EXOC6B: variants seen among roughly 807,000 people sequenced by gnomAD.
The protein encoded by EXOC6B is SEC15 homolog B.
EXOC6B carries 54 observed loss-of-function variants against 113.5 expected under a neutral mutation model. The ratio of observed to expected loss-of-function variants is 0.48; its 90% CI spans 0.38 to 0.60. The LOEUF (loss-of-function observed/expected upper bound fraction) is 0.60, where lower values mean the gene tolerates loss of function less well. EXOC6B is among the 20% of genes least tolerant of loss of function. The probability of loss-of-function intolerance (pLI) is 0.00; values close to 1 mark genes in which losing one functional copy is unlikely to be tolerated. For missense variants in EXOC6B, 797 were observed against 977.5 expected, an observed-to-expected ratio of 0.82 and a Z score of 2.46; for synonymous variants, 357 against 339.0, an observed-to-expected ratio of 1.05 and a Z score of -0.58.
rs376801684 is a variant in EXOC6B, at chr2:72,667,756, C to G, written c.669+50347G>C. ...GACTAAAGAATTAAATGTAAGACCT[C>G]AAACTACAAAATTCTAGAAGAAATT... is the stretch of plus-strand genomic sequence containing the variant. On this transcript the variant is annotated intron_variant, in intron 6 of 21. Transcript: ENST00000272427. 1.5e-4 allele frequency among the ~76,000 whole-genome samples: 23 copies of G among 152,252 alleles called. 2 individuals carry two copies. The highest frequency in any genetic ancestry group is 4.6e-4 in the African/African-American group (19 of 41,556).
chr2:72,268,081 TA>T (rs1427017844), intron 20 of EXOC6B, among the ~76,000 whole-genome samples: 1 of 152,206 alleles, frequency 6.6e-6, no homozygotes, highest in Non-Finnish European at 1.5e-5. Flanking sequence ...TGGAAGACTA[TA>T]CAACACATAA....
intron 20 of EXOC6B, among the ~76,000 whole-genome samples, chr2:72,299,482 G>A (rs1023464060): frequency 6.6e-6 from 1 of 151,786 alleles, no homozygotes; most frequent in Non-Finnish European, 1.5e-5. Flanking sequence ...CCTTTAGCTC[G>A]GAGGAGTTTG....
At chr2:72,220,656 C>T (rs984149029) in intron 20 of EXOC6B, among the ~76,000 whole-genome samples, 4 of 151,994 alleles carry the variant, frequency 2.6e-5, no homozygotes, top group Admixed American at 2.0e-4. Context: ...TAGGGAAATT[C>T]GTGACAACAT....
chr2:72,405,140 G>C (rs1034057865), intron 18 of EXOC6B, among the ~76,000 whole-genome samples: 1 of 151,946 alleles, frequency 6.6e-6, no homozygotes, highest in Non-Finnish European at 1.5e-5. Flanking sequence ...AATGAAGTGA[G>C]AAGTTTAGAG....
At chr2:72,637,418 T>G (rs555297718) in intron 6 of EXOC6B, among the ~76,000 whole-genome samples, 1 of 152,200 alleles carries the variant, frequency 6.6e-6, no homozygotes, top group African/African-American at 2.4e-5. Context: ...TATGAGGAAC[T>G]TAAACAAATT....
intron 6 of EXOC6B, among the ~76,000 whole-genome samples, chr2:72,662,339 T>G (rs1170852855): frequency 1.3e-5 from 2 of 152,186 alleles, no homozygotes; most frequent in Non-Finnish European, 2.9e-5. Context: ...TTGAACTTCA[T>G]GTTTTGTTCT....
chr2:72,258,606 G>T (rs546542460), intron 20 of EXOC6B, among the ~76,000 whole-genome samples: 2 of 151,982 alleles, frequency 1.3e-5, no homozygotes, highest in South Asian at 4.2e-4. Context: ...CTGGGCTCAA[G>T]TGATCCTCCT....
At chr2:72,200,776 G>T (rs41390) in intron 20 of EXOC6B, among the ~76,000 whole-genome samples, 1 of 151,930 alleles carries the variant, frequency 6.6e-6, no homozygotes, top group African/African-American at 2.4e-5. Context: ...ATAGTACACA[G>T]GTCAGGTGCC....
chr2:72,653,598 A>AACC (rs140579240), intron 6 of EXOC6B, among the ~76,000 whole-genome samples: 2 of 133,242 alleles, frequency 1.5e-5, no homozygotes, highest in African/African-American at 3.3e-5. Flanking sequence ...ATTGCCAGCA[A>AACC]CCCCCCCCCA....
intron 6 of EXOC6B, among the ~76,000 whole-genome samples, chr2:72,685,024 T>C (rs1437691128): frequency 6.6e-6 from 1 of 152,214 alleles, no homozygotes. Flanking sequence ...TAACTAATAT[T>C]ATGCATCCTG....
chr2:72,254,197 A>G (rs1400067598), intron 20 of EXOC6B, among the ~76,000 whole-genome samples: 1 of 152,126 alleles, frequency 6.6e-6, no homozygotes, highest in African/African-American at 2.4e-5. Context: ...AATCTCCAGT[A>G]CTTAGGAATG....
intron 20 of EXOC6B, among the ~76,000 whole-genome samples, chr2:72,289,690 G>A (rs1685666546): frequency 6.6e-6 from 1 of 152,176 alleles, no homozygotes; most frequent in Non-Finnish European, 1.5e-5. Context: ...GTGTCTCTGT[G>A]AGGGTATTTC....
intron 6 of EXOC6B, among the ~76,000 whole-genome samples, chr2:72,717,346 T>C (rs1486482783): frequency 2.0e-5 from 3 of 152,174 alleles, no homozygotes; most frequent in African/African-American, 4.8e-5. Context: ...AAGAACACTA[T>C]TGTTTACAGA....
intron 8 of EXOC6B, among the ~76,000 whole-genome samples, chr2:72,539,392 C>T (rs1350559528): frequency 2.0e-5 from 3 of 152,202 alleles, no homozygotes; most frequent in Non-Finnish European, 4.4e-5. Flanking sequence ...CAAAGTACAA[C>T]TTGATCACCA....
At chr2:72,521,166 C>T (rs573591349) in intron 8 of EXOC6B, among the ~76,000 whole-genome samples, 4 of 152,102 alleles carry the variant, frequency 2.6e-5, no homozygotes, top group Non-Finnish European at 4.4e-5. Context: ...TTGCACCCTC[C>T]CATCTCTTCT....
chr2:72,518,052 T>A (rs1270306824), intron 8 of EXOC6B, among the ~76,000 whole-genome samples: 2 of 152,150 alleles, frequency 1.3e-5, no homozygotes, highest in East Asian at 1.9e-4. Flanking sequence ...GTCAACTCAA[T>A]ACTTAAAGGT....
At chr2:72,730,587 C>G (rs1024404244) in intron 5 of EXOC6B, among the ~76,000 whole-genome samples, 1 of 36,584 alleles carries the variant, frequency 2.7e-5, no homozygotes. Context: ...GAGACACACA[C>G]ACACACACAC....
In EXOC6B at chr2:72,493,420, A is replaced by C. The variant is rs150741231; in HGVS notation, c.1554-991T>G. On this transcript the variant is annotated intron_variant, in intron 15 of 21. Coordinates refer to ENST00000272427, the MANE Select transcript of EXOC6B (RefSeq NM_015189.3). ...GTATTTTGCAGTAATTTGCTTTAAAAAAATGCTGTTTGTGCATGTATTCAC... is the reference window on the plus strand; with the variant it reads ...GTATTTTGCAGTAATTTGCTTTAAACAAATGCTGTTTGTGCATGTATTCAC... Among the ~76,000 whole-genome samples the C allele has an allele frequency of 2.6e-3, 397 of 151,414 alleles. 1 individual carries two copies. The highest frequency in any genetic ancestry group is 4.6e-3 in the Non-Finnish European group (312 of 67,944).
chr2:72,307,161 G>GTTTTTTTTT (rs1553371308), intron 20 of EXOC6B, among the ~76,000 whole-genome samples: 4 of 128,514 alleles, frequency 3.1e-5, no homozygotes, highest in African/African-American at 1.5e-4. Flanking sequence ...GTATAGTCCA[G>GTTTTTTTTT]TTTTTTTTTT....
Sources: allele counts gnomAD v4.1 joint callset (sites outside exome capture counted in the v4.1 genomes callset), GRCh38; gene constraint gnomAD v4.1.1; transcripts MANE v1.5; gene names NCBI Gene and HGNC (gene_info 2026-07-23, HGNC 2026-07-21).